The following RPRD1B variants were observed in gnomAD, a reference collection of about 807,000 sequenced individuals.
RPRD1B encodes regulation of nuclear pre-mRNA domain-containing protein 1B.
In RPRD1B, 11 loss-of-function variants were observed where a neutral mutation model predicts 41.5. The ratio of observed to expected loss-of-function variants is 0.27; its 90% CI spans 0.17 to 0.44. The LOEUF (loss-of-function observed/expected upper bound fraction) is 0.44, where lower values mean the gene tolerates loss of function less well. Ranked by LOEUF, RPRD1B falls within the 20% of genes least tolerant of loss-of-function variation. The pLI is 1.00. For synonymous variants in RPRD1B, 158 were observed against 155.6 expected, an observed-to-expected ratio of 1.02 and a Z score of -0.12; for missense variants, 248 against 389.9, an observed-to-expected ratio of 0.64 and a Z score of 3.06.
Position 38,057,770 on chromosome 20 carries a change from C to A in RPRD1B, c.528+126C>A, listed in dbSNP as rs895075757. On this transcript the variant is annotated intron_variant, in intron 4 of 6. Coordinates refer to ENST00000373433, the MANE Select transcript of RPRD1B (RefSeq NM_021215.4). ...CATCAGAGGGCACCTCTCAGGGGCC[C>A]CGTGCATCATCCTGCCCAAAGGAGC... is the stretch of plus-strand genomic sequence containing the variant. 9 of 629,758 alleles carry A rather than the reference C, an allele frequency of 1.4e-5. No individual in the cohort carries two copies. The African/African-American group carries it at 1.6e-4, about 12-fold the overall frequency. 39.0% of individuals were successfully genotyped at this position (629,758 alleles called of 1,614,324 possible).
At chr20:38,052,743 A>G (rs2122714004) in intron 3 of RPRD1B, among the ~76,000 whole-genome samples, 1 of 144,238 alleles carries the variant, frequency 6.9e-6, no homozygotes, top group South Asian at 2.2e-4. Context: ...CACTCGGACC[A>G]AACGCGGTGT....
intron 3 of RPRD1B, among the ~76,000 whole-genome samples, chr20:38,056,396 A>T (rs921179735): frequency 1.7e-4 from 26 of 152,266 alleles, no homozygotes; most frequent in East Asian, 1.5e-3. Flanking sequence ...CATCTAAAAA[A>T]AAAAAATAAA....
In RPRD1B at chr20:38,092,139, C is replaced by G. The variant is rs1394041576; in HGVS notation, c.*2264C>G. 3.2e-5 allele frequency: 32 copies of G among 985,476 alleles called. No individual in the cohort carries two copies. The highest frequency in any genetic ancestry group is 3.7e-5 in the Non-Finnish European group (31 of 829,864). 61.0% of individuals were successfully genotyped at this position (985,476 alleles called of 1,614,324 possible). A position where few individuals can be genotyped will look rare whatever the true frequency, so the allele number is the denominator to read the frequency against. The stretch of plus-strand genomic sequence containing the variant: ...TTTTTGTGTTTTTTCTTTCTTAGGG[C>G]ATCTGTAGGCCTCAAAGGACCTTTC... On this transcript the variant is annotated 3_prime_UTR_variant, in exon 7 of 7. Coordinates refer to ENST00000373433, the MANE Select transcript of RPRD1B (RefSeq NM_021215.4).
chr20:38,085,893 G>A (rs2074556707), intron 6 of RPRD1B, among the ~76,000 whole-genome samples: 1 of 148,868 alleles, frequency 6.7e-6, no homozygotes, highest in South Asian at 2.1e-4. Context: ...AGGCTGGAGT[G>A]CAGTGGTGTG....
chr20:38,088,626 T>C (rs1197448360), intron 6 of RPRD1B, among the ~76,000 whole-genome samples: 5 of 152,238 alleles, frequency 3.3e-5, no homozygotes, highest in Non-Finnish European at 5.9e-5. Flanking sequence ...TTGTTTTCTA[T>C]ATATCTTGGC....
rs146968975 is a variant in RPRD1B at position 38,055,413 on chromosome 20, A to G, written c.416-2119A>G. Among the ~76,000 whole-genome samples, 608 of 150,830 alleles carry G rather than the reference A, an allele frequency of 4.0e-3. 1 individual carries two copies. Among genetic ancestry groups the G allele is most frequent in the Non-Finnish European group, 5.2e-3 (355 of 67,758 alleles). ...CCAACATTTTATCTTTTATGCTTTC[A>G]GTATTGTAAAATACCTCTCAGTTTC... On this transcript the variant is annotated intron_variant, in intron 3 of 6. Transcript: ENST00000373433.
chr20:38,066,069 A>C lies in RPRD1B; in HGVS notation c.656-12A>C, dbSNP rs1165843525. The C allele has an allele frequency of 6.2e-7, 1 of 1,613,208 alleles. No homozygotes were observed. Among genetic ancestry groups the C allele is most frequent in the African/African-American group, 1.3e-5 (1 of 74,860 alleles). The stretch of plus-strand genomic sequence containing the variant: ...TATATTTTCTCTATTTTTTGGTCTC[A>C]TTTGTACTTAGACAAAGAGGCAGCT... On this transcript the variant is annotated splice_polypyrimidine_tract_variant and intron_variant, in intron 5 of 6. Transcript: ENST00000373433.
Position 38,033,810 on chromosome 20 carries a change from C to G in RPRD1B, c.-138C>G, listed in dbSNP as rs911930088. 2 of 846,962 alleles carry G rather than the reference C, an allele frequency of 2.4e-6. 1 individual carries two copies. The highest frequency in any genetic ancestry group is 5.7e-5 in the East Asian group (2 of 35,242). The allele number at this position is 846,962 out of a possible 1,614,324, so 52.5% of individuals were successfully genotyped here. A position where few individuals can be genotyped will look rare whatever the true frequency, so the allele number is the denominator to read the frequency against. On this transcript the variant is annotated 5_prime_UTR_variant, in exon 1 of 7. Transcript: ENST00000373433. ...TACTGCGGAGACCCATCCCCTCCCC[C>G]TTCTCGCACCCCTGGCAGTCTGTCA...
intron 2 of RPRD1B, among the ~76,000 whole-genome samples, chr20:38,047,529 A>G (rs2074133270): frequency 2.2e-5 from 3 of 138,936 alleles, no homozygotes; most frequent in African/African-American, 9.2e-5. Flanking sequence ...CCCCCTCACA[A>G]AACAGAAGAT....
chr20:38,048,621 G>T, intron 3 of RPRD1B, 140 bp downstream of exon 3: 2 of 1,432,694 alleles, frequency 1.4e-6, no homozygotes. Flanking sequence ...GAATGATGGT[G>T]AGAATTTATG....
At chr20:38,051,898 T>G (rs1323864746) in intron 3 of RPRD1B, among the ~76,000 whole-genome samples, 2 of 152,170 alleles carry the variant, frequency 1.3e-5, no homozygotes, top group Admixed American at 1.3e-4. Flanking sequence ...ATTACAGGCA[T>G]GTGCCACCAC....
intron 5 of RPRD1B, 97 bp from the exon 6 acceptor site, chr20:38,065,984 A>G (rs1428689694): frequency 8.4e-7 from 1 of 1,196,226 alleles, no homozygotes; most frequent in South Asian, 1.4e-5. Context: ...GACTCTGTAT[A>G]TTGGGAGAGA....
intron 3 of RPRD1B, chr20:38,049,615 G>A (rs190767481): frequency 0.01 from 4,203 of 414,350 alleles, 60 homozygotes; most frequent in Admixed American, 0.03. Flanking sequence ...TGATCCACCC[G>A]CCTCAGCCTC....
rs543281128 is a variant in RPRD1B at position 38,075,314 on chromosome 20, TC to T, written c.831+9059del. Among the ~76,000 whole-genome samples, 12 of 152,354 alleles carry T rather than the reference TC, an allele frequency of 7.9e-5. No homozygotes were observed. The South Asian group carries it at 2.5e-3, about 32-fold the overall frequency. ...AACCTCTATACAAGTTAAGGATTAG[TC>T]TTTTGTTTTATGAAGGAGTAAACAC... On this transcript the variant is annotated intron_variant, in intron 6 of 6. Coordinates refer to ENST00000373433, the MANE Select transcript of RPRD1B (RefSeq NM_021215.4).
At chr20:38,064,849 G>A (rs2074336792) in intron 5 of RPRD1B, among the ~76,000 whole-genome samples, 1 of 152,072 alleles carries the variant, frequency 6.6e-6, no homozygotes, top group Admixed American at 6.5e-5. Context: ...AGACGGGCGT[G>A]GTGGCGGGGG....
At chr20:38,061,683 T>TGCTGTCTC (rs2074298958) in intron 5 of RPRD1B, among the ~76,000 whole-genome samples, 1 of 152,250 alleles carries the variant, frequency 6.6e-6, no homozygotes, top group Admixed American at 6.5e-5. Context: ...GGATTGCCTG[T>TGCTGTCTC]GCTGTCTCTC....
In RPRD1B at chr20:38,091,643, C is replaced by G; in HGVS notation, c.*1768C>G. 1 of 985,646 alleles carries G rather than the reference C, an allele frequency of 1.0e-6. No homozygotes were observed. Among genetic ancestry groups the G allele is most frequent in the Non-Finnish European group, 1.2e-6 (1 of 830,102 alleles). The allele number at this position is 985,646 out of a possible 1,614,324, so 61.1% of individuals were successfully genotyped here. A position where few individuals can be genotyped will look rare whatever the true frequency, so the allele number is the denominator to read the frequency against. ...CACTCCCCAACCTCTCCCCCACCCC[C>G]CGTGGTGTGCTGCTTTCTAGATGAG... On this transcript the variant is annotated 3_prime_UTR_variant, in exon 7 of 7. Coordinates refer to ENST00000373433, the MANE Select transcript of RPRD1B (RefSeq NM_021215.4).
At chr20:38,042,841 CT>C (rs1038241173) in intron 2 of RPRD1B, among the ~76,000 whole-genome samples, 2 of 150,704 alleles carry the variant, frequency 1.3e-5, no homozygotes, top group African/African-American at 5.0e-5. Flanking sequence ...TAAAAGACAC[CT>C]CCACACCCAA....
At chr20:38,052,752 GTT>G (rs146687415) in intron 3 of RPRD1B, among the ~76,000 whole-genome samples, 29,433 of 81,760 alleles carry the variant, frequency 0.36, 4,548 homozygotes, top group Middle Eastern at 0.41. Flanking sequence ...CAAACGCGGT[GTT>G]TTTTTTTTTT....
Sources: allele counts gnomAD v4.1 joint callset (sites outside exome capture counted in the v4.1 genomes callset), GRCh38; gene constraint gnomAD v4.1.1; transcripts MANE v1.5; gene names NCBI Gene and HGNC (gene_info 2026-07-23, HGNC 2026-07-21).